Variants in PSD3 observed in about 807,000 individuals in gnomAD.
The protein encoded by PSD3 is PH and SEC7 domain-containing protein 3.
In PSD3, 49 loss-of-function variants were observed where a neutral mutation model predicts 105.5. That is an observed-to-expected ratio of 0.46 (90% CI 0.37 to 0.59). The LOEUF (loss-of-function observed/expected upper bound fraction) is 0.59. Among genes scored for constraint, PSD3 ranks in the 20% least tolerant of loss-of-function variants. The pLI is 0.00. For synonymous variants in PSD3, 557 were observed against 457.8 expected, an observed-to-expected ratio of 1.22 and a Z score of -2.77; for missense variants, 1,561 against 1,263.8, an observed-to-expected ratio of 1.24 and a Z score of -3.57.
intron 4 of PSD3, among the ~76,000 whole-genome samples, chr8:18,824,336 A>T (rs1586140972): frequency 6.6e-6 from 1 of 152,200 alleles, no homozygotes; most frequent in South Asian, 2.1e-4. Flanking sequence ...GTTGAAAGGA[A>T]GGCAACATGG....
chr8:18,869,904 T>G (rs1258646339), intron 3 of PSD3, among the ~76,000 whole-genome samples: 1 of 152,176 alleles, frequency 6.6e-6, no homozygotes, highest in Non-Finnish European at 1.5e-5. Flanking sequence ...TTTTGACCAT[T>G]CCTTTACGCC....
intron 2 of PSD3, among the ~76,000 whole-genome samples, chr8:18,919,177 C>G (rs1820826995): frequency 6.6e-6 from 1 of 152,150 alleles, no homozygotes; most frequent in Non-Finnish European, 1.5e-5. Flanking sequence ...GTGATCTCTT[C>G]CGGGGCTTCA....
intron 2 of PSD3, among the ~76,000 whole-genome samples, chr8:18,889,741 C>A (rs1274086375): frequency 6.6e-6 from 1 of 152,154 alleles, no homozygotes; most frequent in East Asian, 1.9e-4. Context: ...TCATAACAGT[C>A]ATTTCCATGT....
At chr8:18,776,654 G>C (rs556200706) in intron 8 of PSD3, among the ~76,000 whole-genome samples, 1 of 152,250 alleles carries the variant, frequency 6.6e-6, no homozygotes, top group South Asian at 2.1e-4. Context: ...AGGATTGCAG[G>C]TGTGAGTCAC....
intron 9 of PSD3, among the ~76,000 whole-genome samples, chr8:18,728,793 T>A (rs946844670): frequency 8.5e-6 from 1 of 117,056 alleles, no homozygotes; most frequent in African/African-American, 3.4e-5. Flanking sequence ...AAATATAACC[T>A]TTATATGTCA....
At chr8:18,708,598 G>T (rs569323063) in intron 9 of PSD3, among the ~76,000 whole-genome samples, 1 of 151,856 alleles carries the variant, frequency 6.6e-6, no homozygotes, top group Non-Finnish European at 1.5e-5. Context: ...CAACATTTTC[G>T]TCATGACCCA....
At chr8:18,609,476 T>C (rs1262983117) in intron 11 of PSD3, among the ~76,000 whole-genome samples, 1 of 152,216 alleles carries the variant, frequency 6.6e-6, no homozygotes, top group Non-Finnish European at 1.5e-5. Context: ...TGTACTAATA[T>C]AAGTGAGACA....
chr8:18,833,945 G>C (rs1813886578), intron 4 of PSD3, among the ~76,000 whole-genome samples: 1 of 151,898 alleles, frequency 6.6e-6, no homozygotes, highest in African/African-American at 2.4e-5. Flanking sequence ...GGACCAGTTA[G>C]AAAACATAAC....
In PSD3 at chr8:18,956,117, T is replaced by C. The variant is rs574026802; in HGVS notation, c.22-19975A>G. On this transcript the variant is annotated intron_variant, in intron 1 of 15. Transcript: ENST00000327040. The stretch of plus-strand genomic sequence containing the variant: ...GAATGAATGGAAGGAAGAAGGAAGC[T>C]GAAAGAAAAAGACTTTTCTGAGGAA... 3.3e-5 allele frequency among the ~76,000 whole-genome samples: 5 copies of C among 152,152 alleles called. No homozygotes were observed. In the South Asian group the frequency reaches 6.2e-4, roughly 19 times the overall value.
At chr8:18,837,355 G>A (rs1388182115) in intron 4 of PSD3, among the ~76,000 whole-genome samples, 2 of 152,136 alleles carry the variant, frequency 1.3e-5, no homozygotes, top group Non-Finnish European at 2.9e-5. Flanking sequence ...ATGACACCAT[G>A]TATTTATAAA....
At chr8:18,617,913 A>C (rs978446620) in intron 11 of PSD3, among the ~76,000 whole-genome samples, 1 of 152,186 alleles carries the variant, frequency 6.6e-6, no homozygotes, top group African/African-American at 2.4e-5. Flanking sequence ...TTTTGAAATG[A>C]TCTGCAAAGC....
At chr8:18,708,051 A>G (rs1165238301) in intron 9 of PSD3, among the ~76,000 whole-genome samples, 1 of 152,244 alleles carries the variant, frequency 6.6e-6, no homozygotes, top group Non-Finnish European at 1.5e-5. Context: ...AATTATGTAA[A>G]GAATATTTAT....
At chr8:18,699,857 A>T (rs1801472232) in intron 9 of PSD3, among the ~76,000 whole-genome samples, 1 of 151,284 alleles carries the variant, frequency 6.6e-6, no homozygotes, top group Non-Finnish European at 1.5e-5. Flanking sequence ...CAATAATGAG[A>T]TCCCCACCCA....
At chr8:18,981,450 C>T (rs1586572571) in intron 1 of PSD3, among the ~76,000 whole-genome samples, 1 of 152,284 alleles carries the variant, frequency 6.6e-6, no homozygotes. Context: ...CTCAACATCC[C>T]TGTGTCTTTG....
chr8:19,035,653 T>A (rs1453979954), intron 1 of PSD3, among the ~76,000 whole-genome samples: 1 of 151,766 alleles, frequency 6.6e-6, no homozygotes, highest in African/African-American at 2.4e-5. Context: ...AAGTTACGTT[T>A]TTTTTGGCCA....
At chr8:18,674,477 C>A (rs531475260) in intron 9 of PSD3, among the ~76,000 whole-genome samples, 2 of 152,228 alleles carry the variant, frequency 1.3e-5, no homozygotes, top group South Asian at 2.1e-4. Context: ...TCTACGAATC[C>A]TACTGTCATT....
intron 15 of PSD3, among the ~76,000 whole-genome samples, 181 bp from the exon 16 acceptor site, chr8:18,536,139 T>C (rs1799833804): frequency 6.6e-6 from 1 of 152,232 alleles, no homozygotes; most frequent in South Asian, 2.1e-4. Context: ...ACAGAGACTG[T>C]CTTATGTAGA....
intron 12 of PSD3, among the ~76,000 whole-genome samples, chr8:18,599,758 A>T (rs1363034712): frequency 6.6e-6 from 1 of 152,182 alleles, no homozygotes; most frequent in Non-Finnish European, 1.5e-5. Flanking sequence ...ATGTGGATTC[A>T]ACAGGGCTGA....
chr8:19,042,077 T>C (rs966823), intron 1 of PSD3, among the ~76,000 whole-genome samples: 38,023 of 152,156 alleles, frequency 0.25, 5,789 homozygotes, highest in Middle Eastern at 0.39. Context: ...TTATTTTGTG[T>C]GTATGTGTTT....
Sources: gnomAD v4.1 joint callset for allele counts (sites outside exome capture counted in the v4.1 genomes callset) on GRCh38, gnomAD v4.1.1 for gene constraint, MANE v1.5 for transcripts, NCBI Gene and HGNC (gene_info 2026-07-23, HGNC 2026-07-21) for gene names.